AGPAT2: variants seen among roughly 807,000 people sequenced by gnomAD.
AGPAT2 encodes the protein 1-acylglycerol-3-phosphate O-acyltransferase 2.
A neutral mutation model predicts 26.1 loss-of-function variants in AGPAT2; 18 were observed. The observed-to-expected ratio is 0.69, with a 90% CI of 0.48 to 1.02. The LOEUF is 1.02. AGPAT2 is among the 50% of genes least tolerant of loss of function. The pLI is 0.00. For synonymous variants in AGPAT2, 200 were observed against 174.2 expected (o/e 1.15, Z -1.16); for missense variants, 415 against 394.9 (o/e 1.05, Z -0.43).
intron 5 of AGPAT2, among the ~76,000 whole-genome samples, chr9:136,674,451 C>G (rs1846062499): frequency 6.6e-6 from 1 of 152,240 alleles, no homozygotes; most frequent in Non-Finnish European, 1.5e-5. Flanking sequence ...AGGCCGCCCT[C>G]CAGGCCCCCA....
At chr9:136,674,234 A>G (rs1406113978) in intron 5 of AGPAT2, among the ~76,000 whole-genome samples, 1 of 151,878 alleles carries the variant, frequency 6.6e-6, no homozygotes, top group Non-Finnish European at 1.5e-5. Context: ...TGCCCTCCAT[A>G]CGGGGCGAGG....
intron 1 of AGPAT2, among the ~76,000 whole-genome samples, chr9:136,682,620 C>G (rs1846174446): frequency 6.6e-6 from 1 of 152,218 alleles, no homozygotes; most frequent in Non-Finnish European, 1.5e-5. Flanking sequence ...AGGCAGGAGG[C>G]CCAGGGAGCA....
rs1280995315 is a variant in AGPAT2 at position 136,687,393 on chromosome 9, C to T, written c.-36G>A. On this transcript the variant is annotated 5_prime_UTR_variant, in exon 1 of 6. Coordinates refer to ENST00000371696, the MANE Select transcript of AGPAT2 (RefSeq NM_006412.4). Reference sequence around the variant, plus strand: ...GGCGCCCGACGGCGCCGCCAGCTCGCTCCCGCTCCCGCTCCCGCTTCTCCC... The same window carrying T: ...GGCGCCCGACGGCGCCGCCAGCTCGTTCCCGCTCCCGCTCCCGCTTCTCCC... The T allele has an allele frequency of 7.2e-7, 1 of 1,386,056 alleles. No homozygotes were observed. Among genetic ancestry groups the T allele is most frequent in the Non-Finnish European group, 9.3e-7 (1 of 1,072,506 alleles). The allele number at this position is 1,386,056 out of a possible 1,614,324, so 85.9% of individuals were successfully genotyped here. A position where few individuals can be genotyped will look rare whatever the true frequency, so the allele number is the denominator to read the frequency against.
chr9:136,673,899 G>A lies in AGPAT2; in HGVS notation c.690C>T (p.Ala230=). 6.3e-7 allele frequency: 1 copy of A among 1,595,634 alleles called. No homozygotes were observed. Among genetic ancestry groups the A allele is most frequent in the East Asian group, 2.3e-5 (1 of 44,068 alleles). Residue 230 remains alanine (A), a synonymous_variant, in exon 6 of 6, where the codon GCC becomes GCT. Coordinates refer to ENST00000371696, the MANE Select transcript of AGPAT2 (RefSeq NM_006412.4). ...SGTVTVQVLE[A]IPTSGLTAAD... The stretch of plus-strand genomic sequence containing the variant: ...CCGCAGTGAGGCCGCTGGTGGGGAT[G>A]GCTTCCAGCACCTGCACTGTGACTG...
intron 1 of AGPAT2, among the ~76,000 whole-genome samples, chr9:136,685,331 A>G (rs1846208902): frequency 6.6e-6 from 1 of 152,222 alleles, no homozygotes; most frequent in Non-Finnish European, 1.5e-5. Context: ...CTCCAAGCTG[A>G]GATGGGGACA....
At position 136,677,555 on chromosome 9, in the gene AGPAT2, T is replaced by C. The variant is rs773409087; in HGVS notation, c.184A>G (p.Ile62Val). Residue 62 changes from isoleucine to valine, a missense_variant and splice_region_variant, in exon 2 of 6, where the codon ATC (isoleucine) becomes GTC (valine). Physicochemically the swap from Ile to Val is conservative, Grantham distance 29. Coordinates refer to ENST00000371696, the MANE Select transcript of AGPAT2 (RefSeq NM_006412.4). ...AAGCTTCGCACGAACCAGCCGATGA[T>C]GCTGCAGGGGAGGCCACCATGAACA... ...HGGRTVENMS[I>V]IGWFVRSFKY... 1.2e-6 allele frequency: 2 copies of C among 1,612,896 alleles called. No individual in the cohort carries two copies. Among genetic ancestry groups the C allele is most frequent in the Admixed American group, 3.3e-5 (2 of 60,026 alleles).
At position 136,676,618 on chromosome 9, in the gene AGPAT2, C is replaced by T; in HGVS notation, c.555G>A (p.Lys185=). 1 of 1,613,560 alleles carries T rather than the reference C, an allele frequency of 6.2e-7. No individual in the cohort carries two copies. The highest frequency in any genetic ancestry group is 8.5e-7 in the Non-Finnish European group (1 of 1,179,920). ...RNDNGDLLPF[K]KGAFYLAVQA... ...GGACTGCCAGGTAGAAGGCGCCCTT[C>T]TTAAAAGGCAGCAGGTCCCCATTGT... is the stretch of plus-strand genomic sequence containing the variant. The change falls in exon 4 of 6, where the codon AAG becomes AAA. Residue 185 remains lysine (K), a synonymous_variant. Coordinates refer to ENST00000371696, the MANE Select transcript of AGPAT2 (RefSeq NM_006412.4).
In AGPAT2 at chr9:136,687,397, C is replaced by G. The variant is rs935556063; in HGVS notation, c.-40G>C. 7 of 1,393,562 alleles carry G rather than the reference C, an allele frequency of 5.0e-6. No individual in the cohort carries two copies. The Admixed American group carries it at 1.0e-4, about 20-fold the overall frequency. The allele number at this position is 1,393,562 out of a possible 1,614,324, so 86.3% of individuals were successfully genotyped here. On this transcript the variant is annotated 5_prime_UTR_variant, in exon 1 of 6. Coordinates refer to ENST00000371696, the MANE Select transcript of AGPAT2 (RefSeq NM_006412.4). ...CCCGACGGCGCCGCCAGCTCGCTCCCGCTCCCGCTCCCGCTTCTCCCCCGC... is the reference window on the plus strand; with the variant it reads ...CCCGACGGCGCCGCCAGCTCGCTCCGGCTCCCGCTCCCGCTTCTCCCCCGC...
intron 1 of AGPAT2, among the ~76,000 whole-genome samples, chr9:136,683,794 G>A (rs1363086043): frequency 3.3e-5 from 5 of 152,298 alleles, no homozygotes; most frequent in South Asian, 2.1e-4. Flanking sequence ...CCAAGGTCAC[G>A]GTCTCCCTTG....
chr9:136,687,197 C>G lies in AGPAT2; in HGVS notation c.161G>C (p.Gly54Ala), dbSNP rs754824584. ...ASLVCLLRHG[G>A]RTVENMSIIG... ...TTGCCTCATGTTCTCCACCGTCCGG[C>G]CGCCGTGGCGCAGCAGGCAGACGAG... The change falls in exon 1 of 6, where the codon GGC becomes GCC. Residue 54 changes from glycine to alanine, a missense_variant. Physicochemically the swap from Gly to Ala is moderately conservative, Grantham distance 60 (BLOSUM62 0). Transcript: ENST00000371696. The G allele has an allele frequency of 1.3e-6, 2 of 1,587,750 alleles. No homozygotes were observed.
rs1463379862 is a variant in AGPAT2 at position 136,687,453 on chromosome 9, G to A, written c.-96C>T. 5.6e-6 allele frequency: 6 copies of A among 1,071,250 alleles called. No homozygotes were observed. The highest frequency in any genetic ancestry group is 7.3e-6 in the Non-Finnish European group (6 of 825,918). 66.4% of individuals were successfully genotyped at this position (1,071,250 alleles called of 1,614,324 possible). A position where few individuals can be genotyped will look rare whatever the true frequency, so the allele number is the denominator to read the frequency against. On this transcript the variant is annotated 5_prime_UTR_variant, in exon 1 of 6. Coordinates refer to ENST00000371696, the MANE Select transcript of AGPAT2 (RefSeq NM_006412.4). ...CAGGCCCCTTATTGCGAGGGCGGCG[G>A]GGCTGGGCGGGGCGGGGCGCGGCGT...
intron 4 of AGPAT2, among the ~76,000 whole-genome samples, chr9:136,675,474 AG>A: frequency 1.8e-5 from 1 of 56,330 alleles, no homozygotes; most frequent in African/African-American, 5.4e-5. Flanking sequence ...GACTGGCAGC[AG>A]GGAGGGAGGA....
chr9:136,673,632 G>T lies in AGPAT2; in HGVS notation c.*120C>A. The T allele has an allele frequency of 8.6e-7, 1 of 1,157,414 alleles. No homozygotes were observed. The highest frequency in any genetic ancestry group is 1.6e-5 in the African/African-American group (1 of 62,830). 71.7% of individuals were successfully genotyped at this position (1,157,414 alleles called of 1,614,324 possible). ...AGGGGCTTCCTGCTTCCCGGGCTGAGTGAGAGCTGGGGGAGCCGGACAGAG... is the reference window on the plus strand; with the variant it reads ...AGGGGCTTCCTGCTTCCCGGGCTGATTGAGAGCTGGGGGAGCCGGACAGAG... On this transcript the variant is annotated 3_prime_UTR_variant, in exon 6 of 6. Coordinates refer to ENST00000371696, the MANE Select transcript of AGPAT2 (RefSeq NM_006412.4).
intron 1 of AGPAT2, among the ~76,000 whole-genome samples, chr9:136,677,797 G>A (rs1846113036): frequency 6.6e-6 from 1 of 152,184 alleles, no homozygotes; most frequent in Admixed American, 6.5e-5. Context: ...CAGAGCCTCT[G>A]GAACTCGGAT....
rs778169961 is a variant in AGPAT2, at chr9:136,677,149, G to C, written c.317-13C>G. The C allele has an allele frequency of 1.1e-5, 17 of 1,612,170 alleles. No homozygotes were observed. In the South Asian group the frequency reaches 1.4e-4, roughly 14 times the overall value. The stretch of plus-strand genomic sequence containing the variant: ...ACCTCCATGAGGCCTGGGAGACAGA[G>C]AGACAGAGACAGAGAGAGAGGGGGA... On this transcript the variant is annotated splice_polypyrimidine_tract_variant and intron_variant, in intron 2 of 5. Coordinates refer to ENST00000371696, the MANE Select transcript of AGPAT2 (RefSeq NM_006412.4).
At chr9:136,679,511 G>A (rs562708181) in intron 1 of AGPAT2, among the ~76,000 whole-genome samples, 5 of 152,242 alleles carry the variant, frequency 3.3e-5, no homozygotes, top group East Asian at 1.9e-4. Context: ...AGGCACACCC[G>A]GGCTGGTAGC....
chr9:136,680,008 G>A (rs944431484), intron 1 of AGPAT2, among the ~76,000 whole-genome samples: 3 of 152,240 alleles, frequency 2.0e-5, no homozygotes, highest in Non-Finnish European at 2.9e-5. Flanking sequence ...CCAGTAGAAA[G>A]AGGGAAAGTA....
At chr9:136,674,867 G>C in intron 4 of AGPAT2, 60 bp from the exon 5 acceptor site, 1 of 1,287,762 alleles carries the variant, frequency 7.8e-7, no homozygotes, top group Non-Finnish European at 1.0e-6. Flanking sequence ...CACACCCCAG[G>C]CTGCATGTGG....
chr9:136,684,661 C>A (rs527697859), intron 1 of AGPAT2, among the ~76,000 whole-genome samples: 1 of 152,178 alleles, frequency 6.6e-6, no homozygotes, highest in East Asian at 1.9e-4. Flanking sequence ...CAGCCCCAAG[C>A]GCTGGGCTGG....
Sources: gnomAD v4.1 joint callset for allele counts (sites outside exome capture counted in the v4.1 genomes callset) on GRCh38, gnomAD v4.1.1 for gene constraint, MANE v1.5 for transcripts, NCBI Gene and HGNC (gene_info 2026-07-23, HGNC 2026-07-21) for gene names.